PKM: variants seen among roughly 807,000 people sequenced by gnomAD.
PKM encodes the protein pyruvate kinase PKM.
In PKM, 18 loss-of-function variants were observed where a neutral mutation model predicts 49.8. The observed-to-expected ratio is 0.36, with a 90% CI of 0.25 to 0.54. PKM has a LOEUF of 0.54. PKM is among the 20% of genes least tolerant of loss of function. The pLI, the probability that PKM is intolerant of heterozygous loss-of-function variation, is 0.89. For synonymous variants in PKM, 239 were observed against 261.8 expected (o/e 0.91, Z 0.84); for missense variants, 508 against 713.8 (o/e 0.71, Z 3.28).
intron 1 of PKM, among the ~76,000 whole-genome samples, chr15:72,230,321 G>A (rs938134532): frequency 7.2e-5 from 11 of 152,100 alleles, no homozygotes; most frequent in Non-Finnish European, 7.4e-5. Flanking sequence ...CCCGCCGCGC[G>A]GGGCACCCAG....
In PKM at chr15:72,206,714, G is replaced by A. The variant is rs1201859070; in HGVS notation, c.1140+14C>T. 1 of 1,612,004 alleles carries A rather than the reference G, an allele frequency of 6.2e-7. No homozygotes were observed. Among genetic ancestry groups the A allele is most frequent in the Non-Finnish European group, 8.5e-7 (1 of 1,179,786 alleles). On this transcript the variant is annotated intron_variant, in intron 8 of 10. Transcript: ENST00000335181. ...TCCGAAGCCCTGGGGGATGGGGCAGGCCCCAGAACTCACCAGGTGCTGCAT... is the reference window on the plus strand; with the variant it reads ...TCCGAAGCCCTGGGGGATGGGGCAGACCCCAGAACTCACCAGGTGCTGCAT...
chr15:72,230,358 A>G (rs1403734584), intron 1 of PKM, among the ~76,000 whole-genome samples: 1 of 152,158 alleles, frequency 6.6e-6, no homozygotes, highest in Non-Finnish European at 1.5e-5. Context: ...CCCGCCCCGG[A>G]CACGGGGCCT....
In PKM at chr15:72,208,667, TCTTTCC is replaced by T; in HGVS notation, c.784_789del (p.Gly262_Lys263del). Reference sequence around the variant, plus strand: ...TCGATTTTGCTGATAATCTTGATGTTCTTTCCCTTCTCTCCCAGGACCTTCCTAACT... The same window carrying T: ...TCGATTTTGCTGATAATCTTGATGTTCTTCTCTCCCAGGACCTTCCTAACT... On this transcript the variant is annotated inframe_deletion, in exon 6 of 11. Coordinates refer to ENST00000335181, the MANE Select transcript of PKM (RefSeq NM_002654.6). The T allele has an allele frequency of 6.2e-7, 1 of 1,614,160 alleles. No homozygotes were observed. Among genetic ancestry groups the T allele is most frequent in the Non-Finnish European group, 8.5e-7 (1 of 1,180,038 alleles).
In PKM at chr15:72,199,444, G is replaced by T; in HGVS notation, c.*206C>A. 1.4e-6 allele frequency: 1 copy of T among 696,576 alleles called. No homozygotes were observed. Among genetic ancestry groups the T allele is most frequent in the South Asian group, 1.5e-5 (1 of 66,700 alleles). 43.1% of individuals were successfully genotyped at this position (696,576 alleles called of 1,614,324 possible). On this transcript the variant is annotated 3_prime_UTR_variant, in exon 11 of 11. Transcript: ENST00000335181. ...TTCCCTTGATTGGGTGGGGCCACAT[G>T]ATGGGCAGCCAGGCTCTGGGCTGTC...
intron 1 of PKM, chr15:72,230,854 G>T: frequency 9.2e-7 from 1 of 1,090,224 alleles, no homozygotes; most frequent in Non-Finnish European, 1.2e-6. Context: ...GATGGGACCA[G>T]AATGAGGGGG....
intron 1 of PKM, among the ~76,000 whole-genome samples, chr15:72,227,286 C>T (rs1447664961): frequency 6.6e-6 from 1 of 152,238 alleles, no homozygotes; most frequent in Non-Finnish European, 1.5e-5. Flanking sequence ...TAAAACTCTG[C>T]TCACAGGGTC....
At chr15:72,209,590 C>A in intron 5 of PKM, 83 bp downstream of exon 5, 1 of 1,260,062 alleles carries the variant, frequency 7.9e-7, no homozygotes. Context: ...GCCAGGCAAC[C>A]AACCTTCCCA....
rs374648115 is a variant in PKM at position 72,218,285 on chromosome 15, C to T, written c.154+659G>A. ...GATTATAGGTACCCGCCACCACCCCCGGCTAATTTTTTTGTATTTTTAGTA... is the reference window on the plus strand; with the variant it reads ...GATTATAGGTACCCGCCACCACCCCTGGCTAATTTTTTTGTATTTTTAGTA... On this transcript the variant is annotated intron_variant, in intron 2 of 10. Coordinates refer to ENST00000335181, the MANE Select transcript of PKM (RefSeq NM_002654.6). Among the ~76,000 whole-genome samples the T allele has an allele frequency of 2.4e-4, 37 of 151,984 alleles. No individual in the cohort carries two copies. The East Asian group carries it at 5.6e-3, about 23-fold the overall frequency.
intron 3 of PKM, among the ~76,000 whole-genome samples, chr15:72,212,659 C>G (rs2082283567): frequency 6.6e-6 from 1 of 152,140 alleles, no homozygotes; most frequent in Non-Finnish European, 1.5e-5. Flanking sequence ...CTCAGGTGTA[C>G]TGAGTTCCAC....
At chr15:72,208,031 G>C (rs2082131596) in intron 6 of PKM, among the ~76,000 whole-genome samples, 1 of 152,196 alleles carries the variant, frequency 6.6e-6, no homozygotes. Flanking sequence ...CATTGGGGAG[G>C]GGGTAAGCTA....
rs376321558 is a variant in PKM, at chr15:72,208,657, A to G, written c.800T>C (p.Ile267Thr). The G allele has an allele frequency of 2.5e-6, 4 of 1,613,932 alleles. No homozygotes were observed. Among genetic ancestry groups the G allele is most frequent in the Non-Finnish European group, 3.4e-6 (4 of 1,180,006 alleles). Residue 267 changes from isoleucine (I) to threonine (T), a missense_variant, in exon 6 of 11, where the codon ATT becomes ACT. Physicochemically the swap from Ile to Thr is moderately conservative, Grantham distance 89. Transcript: ENST00000335181. Reference sequence around the variant, plus strand: ...CTCATGATTCTCGATTTTGCTGATAATCTTGATGTTCTTTCCCTTCTCTCC... The same window carrying G: ...CTCATGATTCTCGATTTTGCTGATAGTCTTGATGTTCTTTCCCTTCTCTCC... ...VLGEKGKNIK[I>T]ISKIENHEGV...
At position 72,217,438 on chromosome 15, in the gene PKM, G is replaced by A; in HGVS notation, c.217C>T (p.Arg73Cys). ...TGAGTTCCATGAGAGAAGTTCAGACGAGCCACATTCATTCCAGACTTAATC... is the reference window on the plus strand; with the variant it reads ...TGAGTTCCATGAGAGAAGTTCAGACAAGCCACATTCATTCCAGACTTAATC... The part of the protein sequence containing the change: ...EMIKSGMNVA[R>C]LNFSHGTHEY... The change falls in exon 3 of 11, where the codon CGT (arginine) becomes TGT (cysteine). Residue 73 changes from arginine to cysteine, a missense_variant. Arg to Cys is a radical substitution (Grantham distance 180). Transcript: ENST00000335181. 7 of 1,611,962 alleles carry A rather than the reference G, an allele frequency of 4.3e-6. No individual in the cohort carries two copies. Among genetic ancestry groups the A allele is most frequent in the Non-Finnish European group, 5.1e-6 (6 of 1,178,116 alleles).
rs769004956 is a variant in PKM, at chr15:72,206,710, G to A, written c.1140+18C>T. On this transcript the variant is annotated intron_variant, in intron 8 of 10. Coordinates refer to ENST00000335181, the MANE Select transcript of PKM (RefSeq NM_002654.6). ...CCAGTCCGAAGCCCTGGGGGATGGG[G>A]CAGGCCCCAGAACTCACCAGGTGCT... 11 of 1,611,904 alleles carry A rather than the reference G, an allele frequency of 6.8e-6. No homozygotes were observed. In the Admixed American group the frequency reaches 1.0e-4, roughly 15 times the overall value.
intron 1 of PKM, among the ~76,000 whole-genome samples, chr15:72,225,067 G>A (rs1310007684): frequency 8.6e-4 from 127 of 147,360 alleles, no homozygotes; most frequent in African/African-American, 2.8e-3. Context: ...GACTACAGGC[G>A]CCCGCCACCA....
chr15:72,210,403 C>T lies in PKM; in HGVS notation c.322G>A (p.Val108Ile), dbSNP rs774829223. The T allele has an allele frequency of 9.6e-5, 155 of 1,614,080 alleles. No homozygotes were observed. The highest frequency in any genetic ancestry group is 1.2e-4 in the Non-Finnish European group (136 of 1,180,044). ...CCTTTAGTGTCTAGAGCCACAGCAA[C>T]GGGCCGGTAGAGGATGGGGTCAGAA... ...FASDPILYRP[V>I]AVALDTKGPE... The change falls in exon 4 of 11, where the codon GTT (valine) becomes ATT (isoleucine). Residue 108 changes from valine (V) to isoleucine (I), a missense_variant. Coordinates refer to ENST00000335181, the MANE Select transcript of PKM (RefSeq NM_002654.6).
Position 72,199,611 on chromosome 15 carries a change from G to C in PKM, c.*39C>G, listed in dbSNP as rs11558374. 1.6e-5 allele frequency: 23 copies of C among 1,401,342 alleles called. No individual in the cohort carries two copies. The highest frequency in any genetic ancestry group is 4.2e-5 in the African/African-American group (3 of 70,970). 86.8% of individuals were successfully genotyped at this position (1,401,342 alleles called of 1,614,324 possible). On this transcript the variant is annotated 3_prime_UTR_variant, in exon 11 of 11. Coordinates refer to ENST00000335181, the MANE Select transcript of PKM (RefSeq NM_002654.6). The stretch of plus-strand genomic sequence containing the variant: ...GGCCTAATGGATGGGCTGGGGGAAG[G>C]GGGTGGGACAGGGGCTGGAGGAGGG...
At chr15:72,227,531 G>A (rs1441436411) in intron 1 of PKM, among the ~76,000 whole-genome samples, 1 of 152,084 alleles carries the variant, frequency 6.6e-6, no homozygotes, top group Non-Finnish European at 1.5e-5. Flanking sequence ...GATCACCTAA[G>A]TCAGGAGTTC....
chr15:72,201,631 A>C (rs535218145), intron 9 of PKM: 1 of 152,430 alleles, frequency 6.6e-6, no homozygotes, highest in East Asian at 1.9e-4. Flanking sequence ...GGACCTTTTA[A>C]GAAAGGTCAA....
intron 8 of PKM, 125 bp downstream of exon 8, chr15:72,206,603 C>A: frequency 2.1e-6 from 2 of 955,948 alleles, no homozygotes; most frequent in African/African-American, 1.6e-5. Flanking sequence ...GCTGCTGTAA[C>A]TTGGAGGATA....
Sources: gnomAD v4.1 joint callset for allele counts (sites outside exome capture counted in the v4.1 genomes callset) on GRCh38, gnomAD v4.1.1 for gene constraint, MANE v1.5 for transcripts, NCBI Gene and HGNC (gene_info 2026-07-23, HGNC 2026-07-21) for gene names.